The following DCC variants were observed in gnomAD, a reference collection of about 807,000 sequenced individuals.
DCC encodes the protein DCC netrin 1 receptor, also known as netrin receptor DCC.
In DCC, 58 loss-of-function variants were observed where a neutral mutation model predicts 172.5. The observed-to-expected ratio is 0.34, with a 90% CI of 0.27 to 0.42. The LOEUF (loss-of-function observed/expected upper bound fraction) is 0.42, where lower values mean the gene tolerates loss of function less well. Ranked by LOEUF, DCC falls within the 10% of genes least tolerant of loss-of-function variation. The pLI is 1.00. For synonymous variants in DCC, 709 were observed against 644.5 expected (o/e 1.10, Z -1.52); for missense variants, 1,740 against 1,791.0 (o/e 0.97, Z 0.51).
At chr18:52,943,455 T>C (rs1279009846) in intron 5 of DCC, among the ~76,000 whole-genome samples, 1 of 152,232 alleles carries the variant, frequency 6.6e-6, no homozygotes, top group Non-Finnish European at 1.5e-5. Flanking sequence ...GAATGACTGA[T>C]GTTTAGTGAA....
rs552846827 is a variant in DCC, at chr18:53,473,380, G to T, written c.3736+5370G>T. Among the ~76,000 whole-genome samples the T allele has an allele frequency of 6.6e-5, 10 of 152,258 alleles. No individual in the cohort carries two copies. The South Asian group carries it at 1.9e-3, about 28-fold the overall frequency. Reference sequence around the variant, plus strand: ...CTGTCGAATGAAAAAACAAATAAATGTATTATTAAAATGCCTTCCTTATGT... The same window carrying T: ...CTGTCGAATGAAAAAACAAATAAATTTATTATTAAAATGCCTTCCTTATGT... On this transcript the variant is annotated intron_variant, in intron 25 of 28. Transcript: ENST00000442544.
At chr18:52,937,352 G>T (rs980447387) in intron 5 of DCC, among the ~76,000 whole-genome samples, 1 of 152,072 alleles carries the variant, frequency 6.6e-6, no homozygotes, top group African/African-American at 2.4e-5. Context: ...AAAAGCAATG[G>T]CAAAAACACA....
intron 12 of DCC, among the ~76,000 whole-genome samples, chr18:53,261,253 C>A (rs2056595898): frequency 6.6e-6 from 1 of 152,132 alleles, no homozygotes; most frequent in Non-Finnish European, 1.5e-5. Context: ...GAACCCGGTA[C>A]CTCAGTTGGA....
At chr18:53,518,021 C>T (rs1280818808) in intron 27 of DCC, among the ~76,000 whole-genome samples, 3 of 152,062 alleles carry the variant, frequency 2.0e-5, no homozygotes, top group Admixed American at 6.6e-5. Flanking sequence ...CTCAAAAGTT[C>T]CTTGCCTATC....
chr18:53,226,311 G>A (rs1173557904), intron 12 of DCC, among the ~76,000 whole-genome samples: 1 of 152,144 alleles, frequency 6.6e-6, no homozygotes, highest in African/African-American at 2.4e-5. Flanking sequence ...CAGAACTGTT[G>A]GTGGAAACTG....
chr18:52,463,762 G>A (rs1273417228), intron 1 of DCC, among the ~76,000 whole-genome samples: 1 of 152,168 alleles, frequency 6.6e-6, no homozygotes, highest in African/African-American at 2.4e-5. Context: ...ACAGAGGAAG[G>A]ACAGATTCTT....
intron 2 of DCC, among the ~76,000 whole-genome samples, chr18:52,897,380 A>G (rs1350713460): frequency 1.3e-5 from 2 of 152,226 alleles, no homozygotes; most frequent in African/African-American, 4.8e-5. Context: ...GCTACAGACT[A>G]TGTTGGAAAG....
intron 1 of DCC, among the ~76,000 whole-genome samples, chr18:52,524,933 A>G (rs900774900): frequency 2.0e-5 from 3 of 152,110 alleles, no homozygotes; most frequent in African/African-American, 4.8e-5. Context: ...AATTTTGAAT[A>G]GCAGAGAGCT....
intron 2 of DCC, among the ~76,000 whole-genome samples, chr18:52,831,780 G>A (rs999405621): frequency 6.6e-6 from 1 of 152,104 alleles, no homozygotes; most frequent in Non-Finnish European, 1.5e-5. Context: ...ATATACAAAT[G>A]TGGATTTAGG....
chr18:53,245,660 T>G (rs936438607), intron 12 of DCC, among the ~76,000 whole-genome samples: 1 of 152,076 alleles, frequency 6.6e-6, no homozygotes, highest in African/African-American at 2.4e-5. Flanking sequence ...ATGGAGTCAG[T>G]CTCCTTAAGC....
At chr18:52,503,759 T>G (rs1188765559) in intron 1 of DCC, among the ~76,000 whole-genome samples, 1 of 152,122 alleles carries the variant, frequency 6.6e-6, no homozygotes, top group Non-Finnish European at 1.5e-5. Flanking sequence ...CCCTCTTGTT[T>G]CACCCAGGTT....
chr18:52,591,283 A>G (rs1321302379), intron 1 of DCC, among the ~76,000 whole-genome samples: 1 of 152,168 alleles, frequency 6.6e-6, no homozygotes, highest in African/African-American at 2.4e-5. Context: ...AGTAATCTTT[A>G]CTACAATTAA....
chr18:52,802,548 G>A (rs962381160), intron 2 of DCC, among the ~76,000 whole-genome samples: 3 of 145,630 alleles, frequency 2.1e-5, no homozygotes, highest in South Asian at 2.2e-4. Context: ...GAACAGGGCC[G>A]ACTGACTGCA....
intron 5 of DCC, among the ~76,000 whole-genome samples, chr18:53,059,722 A>T (rs1027601511): frequency 3.9e-5 from 6 of 152,116 alleles, no homozygotes; most frequent in Non-Finnish European, 5.9e-5. Context: ...CAAGAAAATA[A>T]TATTATTTTG....
At chr18:53,265,886 G>A (rs192236605) in intron 12 of DCC, among the ~76,000 whole-genome samples, 7 of 152,084 alleles carry the variant, frequency 4.6e-5, no homozygotes, top group Non-Finnish European at 8.8e-5. Context: ...GTTCTTCAAG[G>A]TTCCCGTTTT....
chr18:52,570,407 T>C (rs991886122), intron 1 of DCC, among the ~76,000 whole-genome samples: 1 of 152,192 alleles, frequency 6.6e-6, no homozygotes, highest in Non-Finnish European at 1.5e-5. Context: ...ATTTGACATG[T>C]TTCTGGGTTT....
Position 52,929,244 on chromosome 18 carries a change from G to A in DCC, c.985+3874G>A, listed in dbSNP as rs145953416. ...ACAGAAAGATAAGTGGCTATCCCAAGGGGGGATCCAGATCCAAATCCAGGC... is the reference window on the plus strand; with the variant it reads ...ACAGAAAGATAAGTGGCTATCCCAAAGGGGGATCCAGATCCAAATCCAGGC... On this transcript the variant is annotated intron_variant, in intron 5 of 28. Transcript: ENST00000442544. Among the ~76,000 whole-genome samples, 1,488 of 152,218 alleles carry A rather than the reference G, an allele frequency of 9.8e-3. 8 individuals carry two copies. The highest frequency in any genetic ancestry group is 0.015 in the South Asian group (71 of 4,820).
At chr18:53,294,168 A>T (rs1472703348) in intron 12 of DCC, among the ~76,000 whole-genome samples, 1 of 152,232 alleles carries the variant, frequency 6.6e-6, no homozygotes, top group Non-Finnish European at 1.5e-5. Flanking sequence ...AAAAAATATA[A>T]AAATGGAACA....
At chr18:52,914,589 T>C (rs1326407049) in intron 3 of DCC, among the ~76,000 whole-genome samples, 1 of 152,154 alleles carries the variant, frequency 6.6e-6, no homozygotes, top group Non-Finnish European at 1.5e-5. Flanking sequence ...ATTTTTTTAT[T>C]AAATAAATTC....
Sources: gnomAD v4.1 joint callset for allele counts (sites outside exome capture counted in the v4.1 genomes callset) on GRCh38, gnomAD v4.1.1 for gene constraint, MANE v1.5 for transcripts, NCBI Gene and HGNC (gene_info 2026-07-23, HGNC 2026-07-21) for gene names.